The following PHACTR4 variants were observed in gnomAD, a reference collection of about 807,000 sequenced individuals.
PHACTR4 encodes the protein protein phosphatase 1, regulatory subunit 124.
PHACTR4 carries 51 observed loss-of-function variants against 72.7 expected under a neutral mutation model. The observed-to-expected ratio is 0.70, with a 90% confidence interval of 0.56 to 0.89. The LOEUF is 0.89. Ranked by LOEUF, PHACTR4 falls within the 40% of genes least tolerant of loss-of-function variation. The pLI is 0.00. For missense variants in PHACTR4, 731 were observed against 861.8 expected, an observed-to-expected ratio of 0.85 and a Z score of 1.90; for synonymous variants, 255 against 302.5, an observed-to-expected ratio of 0.84 and a Z score of 1.63.
chr1:28,453,574 C>A, intron 2 of PHACTR4: 1 of 811,604 alleles, frequency 1.2e-6, no homozygotes, highest in Non-Finnish European at 2.0e-6. Flanking sequence ...ACTTGGGCAG[C>A]AGAGGCAGCA....
chr1:28,430,109 G>A (rs1433463384), intron 2 of PHACTR4, among the ~76,000 whole-genome samples: 1 of 151,498 alleles, frequency 6.6e-6, no homozygotes, highest in Admixed American at 6.6e-5. Context: ...TGCAAGCTCC[G>A]TCTCCCGGGT....
chr1:28,404,589 T>C (rs535596962), intron 1 of PHACTR4, among the ~76,000 whole-genome samples: 7 of 152,248 alleles, frequency 4.6e-5, no homozygotes, highest in African/African-American at 1.7e-4. Context: ...GGCCTTGACA[T>C]ATGTTTTTAT....
In PHACTR4 at chr1:28,486,614, C is replaced by T. The variant is rs1208713308; in HGVS notation, c.1761-2556C>T. On this transcript the variant is annotated intron_variant, in intron 9 of 13. Coordinates refer to ENST00000373839, the MANE Select transcript of PHACTR4 (RefSeq NM_001048183.3). ...AGGCATGGTGGCTCATGCCTGTAAT[C>T]CCAACACTTTGGGAGGCTGAGGTAG... Among the ~76,000 whole-genome samples, 4 of 152,090 alleles carry T rather than the reference C, an allele frequency of 2.6e-5. No individual in the cohort carries two copies. In the South Asian group the frequency reaches 8.3e-4, roughly 31 times the overall value.
intron 6 of PHACTR4, among the ~76,000 whole-genome samples, chr1:28,472,085 C>T (rs563062676): frequency 2.0e-5 from 3 of 151,850 alleles, no homozygotes; most frequent in South Asian, 2.1e-4. Context: ...TGGTGGTGGG[C>T]GCCTGTAGTC....
In PHACTR4 at chr1:28,487,041, AATACATAC is replaced by A. The variant is rs571585106; in HGVS notation, c.1761-2116_1761-2109del. Among the ~76,000 whole-genome samples the A allele has an allele frequency of 5.3e-3, 807 of 152,052 alleles. 1 individual carries two copies. Among genetic ancestry groups the A allele is most frequent in the Middle Eastern group, 0.014 (4 of 288 alleles). On this transcript the variant is annotated intron_variant, in intron 9 of 13. Transcript: ENST00000373839. ...AGCCAGCCCAGTCTCTAAATAAATA[AATACATAC>A]ATACATACATACGTACTTTTTAAAA... is the stretch of plus-strand genomic sequence containing the variant.
At chr1:28,442,931 T>A (rs1657147010) in intron 2 of PHACTR4, among the ~76,000 whole-genome samples, 1 of 152,200 alleles carries the variant, frequency 6.6e-6, no homozygotes, top group Non-Finnish European at 1.5e-5. Flanking sequence ...TATTTATTTA[T>A]ATTGGGAAGG....
intron 13 of PHACTR4, chr1:28,494,292 G>A (rs1487920683): frequency 6.6e-6 from 1 of 151,992 alleles, no homozygotes; most frequent in Non-Finnish European, 1.5e-5. Flanking sequence ...CGAGGTGGGA[G>A]GATCACTTTG....
chr1:28,484,070 C>T (rs1660464487), intron 9 of PHACTR4, among the ~76,000 whole-genome samples: 1 of 152,072 alleles, frequency 6.6e-6, no homozygotes, highest in Non-Finnish European at 1.5e-5. Context: ...CACCTGTAAT[C>T]CCAGCACGTT....
intron 1 of PHACTR4, among the ~76,000 whole-genome samples, chr1:28,383,757 A>G (rs910368330): frequency 1.3e-5 from 2 of 152,206 alleles, no homozygotes; most frequent in Non-Finnish European, 2.9e-5. Context: ...TTGTGCTGAG[A>G]CCATGAGGTT....
chr1:28,430,978 C>A lies in PHACTR4; in HGVS notation c.16+23515C>A, dbSNP rs762123686. Among the ~76,000 whole-genome samples the A allele has an allele frequency of 1.1e-4, 16 of 150,792 alleles. 1 individual carries two copies. The highest frequency in any genetic ancestry group is 2.1e-4 in the Non-Finnish European group (14 of 67,782). ...GGATCACGAGGTCGGGAGATCGAGA[C>A]CATCTTGGCTAACACAGTGAAACCC... On this transcript the variant is annotated intron_variant, in intron 2 of 13. Coordinates refer to ENST00000373839, the MANE Select transcript of PHACTR4 (RefSeq NM_001048183.3).
Position 28,375,179 on chromosome 1 carries a change from G to A in PHACTR4, c.-39+5354G>A, listed in dbSNP as rs374111281. On this transcript the variant is annotated intron_variant, in intron 1 of 13. Transcript: ENST00000373839. ...CTGGGGGTGGTGGCCCATGCCTGTA[G>A]TCTCAGTTACTTGGGAGGCTGAGGC... is the stretch of plus-strand genomic sequence containing the variant. 5.6e-4 allele frequency among the ~76,000 whole-genome samples: 85 copies of A among 152,196 alleles called. No individual in the cohort carries two copies. The East Asian group carries it at 0.015, about 27-fold the overall frequency.
At chr1:28,411,229 T>C (rs982378487) in intron 2 of PHACTR4, among the ~76,000 whole-genome samples, 2 of 151,900 alleles carry the variant, frequency 1.3e-5, no homozygotes, top group Admixed American at 6.6e-5. Flanking sequence ...GTATTTTTAA[T>C]AGAGACGGGA....
chr1:28,477,451 G>A (rs777624205), intron 8 of PHACTR4, among the ~76,000 whole-genome samples: 2 of 151,742 alleles, frequency 1.3e-5, no homozygotes, highest in Non-Finnish European at 2.9e-5. Context: ...AGGATTACAG[G>A]CATGAGCCAC....
At chr1:28,445,389 C>T (rs1368839362) in intron 2 of PHACTR4, among the ~76,000 whole-genome samples, 1 of 152,148 alleles carries the variant, frequency 6.6e-6, no homozygotes, top group East Asian at 1.9e-4. Context: ...GCACCCAGCC[C>T]TTCCTAATTC....
chr1:28,419,291 G>T (rs1489096095), intron 2 of PHACTR4, among the ~76,000 whole-genome samples: 1 of 151,432 alleles, frequency 6.6e-6, no homozygotes, highest in Non-Finnish European at 1.5e-5. Context: ...GCCTGTTTTT[G>T]TCCCCATTTG....
chr1:28,449,132 G>C (rs1400397838), intron 2 of PHACTR4, among the ~76,000 whole-genome samples: 1 of 152,062 alleles, frequency 6.6e-6, no homozygotes, highest in African/African-American at 2.4e-5. Context: ...GAAAGAGTGA[G>C]ACACTGTCTC....
At chr1:28,428,441 T>C (rs1485907240) in intron 2 of PHACTR4, among the ~76,000 whole-genome samples, 2 of 152,198 alleles carry the variant, frequency 1.3e-5, no homozygotes, top group Non-Finnish European at 2.9e-5. Context: ...AAGAGCTTAT[T>C]GGCCTGAAAA....
chr1:28,393,523 G>A (rs369700392), intron 1 of PHACTR4, among the ~76,000 whole-genome samples: 1 of 152,108 alleles, frequency 6.6e-6, no homozygotes, highest in South Asian at 2.1e-4. Flanking sequence ...CATTACTCAC[G>A]TTTGTGGTAA....
chr1:28,383,692 C>T (rs1027898128), intron 1 of PHACTR4, among the ~76,000 whole-genome samples: 1 of 152,044 alleles, frequency 6.6e-6, no homozygotes, highest in Non-Finnish European at 1.5e-5. Context: ...TGATTTTTCA[C>T]GTTGATTTTG....
Sources: allele counts gnomAD v4.1 joint callset (sites outside exome capture counted in the v4.1 genomes callset), GRCh38; gene constraint gnomAD v4.1.1; transcripts MANE v1.5; gene names NCBI Gene and HGNC (gene_info 2026-07-23, HGNC 2026-07-21).